The following CNBD1 variants were observed in gnomAD, a reference collection of about 807,000 sequenced individuals.
CNBD1 encodes cyclic nucleotide binding domain containing 1.
Under a neutral mutation model 54.4 loss-of-function variants are expected in CNBD1, and 71 were observed. The ratio of observed to expected loss-of-function variants is 1.30; its 90% CI spans 1.08 to 1.59. The LOEUF (loss-of-function observed/expected upper bound fraction) is 1.59, where lower values mean the gene tolerates loss of function less well. CNBD1 is among the 40% of genes most tolerant of loss of function. The probability of loss-of-function intolerance (pLI) is 0.00; values close to 1 mark genes in which losing one functional copy is unlikely to be tolerated. For synonymous variants in CNBD1, 182 were observed against 170.7 expected (o/e 1.07, Z -0.51); for missense variants, 659 against 518.0 (o/e 1.27, Z -2.64).
intron 4 of CNBD1, among the ~76,000 whole-genome samples, chr8:87,030,093 T>A (rs1809748443): frequency 6.6e-6 from 1 of 152,228 alleles, no homozygotes; most frequent in African/African-American, 2.4e-5. Context: ...CAGAAATGAT[T>A]AGTAAAGATA....
At chr8:87,074,609 C>T (rs375040916) in intron 4 of CNBD1, among the ~76,000 whole-genome samples, 2 of 152,120 alleles carry the variant, frequency 1.3e-5, no homozygotes, top group African/African-American at 2.4e-5. Flanking sequence ...TTGCAAAGAT[C>T]GGTGAGAGAA....
chr8:87,335,335 G>T (rs1343432072), intron 8 of CNBD1, among the ~76,000 whole-genome samples: 2 of 152,140 alleles, frequency 1.3e-5, no homozygotes, highest in Non-Finnish European at 1.5e-5. Context: ...CTGTGTGGGA[G>T]ACTAAGTCTC....
chr8:86,883,921 G>C, intron 1 of CNBD1, among the ~76,000 whole-genome samples: 1 of 152,124 alleles, frequency 6.6e-6, no homozygotes, highest in Non-Finnish European at 1.5e-5. Flanking sequence ...GGAGGCCGAG[G>C]TGGGCGGATC....
intron 4 of CNBD1, among the ~76,000 whole-genome samples, chr8:87,128,428 C>A (rs902952608): frequency 6.6e-6 from 1 of 152,156 alleles, no homozygotes; most frequent in Non-Finnish European, 1.5e-5. Flanking sequence ...TTGAGCAGGG[C>A]ATGGTGGCTG....
At chr8:87,085,983 G>A (rs977339645) in intron 4 of CNBD1, among the ~76,000 whole-genome samples, 2 of 151,994 alleles carry the variant, frequency 1.3e-5, no homozygotes, top group Admixed American at 1.3e-4. Flanking sequence ...TTCATAATAG[G>A]GATAGGGCAA....
intron 6 of CNBD1, among the ~76,000 whole-genome samples, chr8:87,253,522 T>C (rs2130841440): frequency 6.6e-6 from 1 of 152,284 alleles, no homozygotes; most frequent in African/African-American, 2.4e-5. Flanking sequence ...CCCAGGATAT[T>C]CCATCTGATT....
intron 2 of CNBD1, among the ~76,000 whole-genome samples, chr8:87,389,395 C>T (rs1320313115): frequency 2.6e-5 from 4 of 152,186 alleles, no homozygotes; most frequent in Non-Finnish European, 5.9e-5. Flanking sequence ...TAGGCAACTT[C>T]AGGAAAGTCT....
intron 10 of CNBD1, among the ~76,000 whole-genome samples, chr8:87,376,481 A>G (rs1337696481): frequency 6.6e-6 from 1 of 151,952 alleles, no homozygotes; most frequent in Non-Finnish European, 1.5e-5. Flanking sequence ...CATTTAGCCC[A>G]TGACACATGC....
chr8:86,911,536 A>G (rs1809099939), intron 3 of CNBD1, among the ~76,000 whole-genome samples: 1 of 151,584 alleles, frequency 6.6e-6, no homozygotes, highest in Non-Finnish European at 1.5e-5. Context: ...TGTGTATAAT[A>G]ATCAAATCAT....
chr8:87,266,696 C>G (rs145585279), intron 6 of CNBD1, among the ~76,000 whole-genome samples: 1 of 151,864 alleles, frequency 6.6e-6, no homozygotes, highest in Admixed American at 6.6e-5. Flanking sequence ...AGGTGATCTG[C>G]CTACCTCGGT....
chr8:86,966,339 G>A (rs752095419), intron 4 of CNBD1, among the ~76,000 whole-genome samples: 5 of 152,192 alleles, frequency 3.3e-5, no homozygotes, highest in African/African-American at 7.2e-5. Flanking sequence ...TGGTGTGTCC[G>A]GAATTGGTTG....
At chr8:87,002,046 C>A (rs2130546222) in intron 4 of CNBD1, among the ~76,000 whole-genome samples, 1 of 152,258 alleles carries the variant, frequency 6.6e-6, no homozygotes, top group Non-Finnish European at 1.5e-5. Context: ...TGCCATTGTA[C>A]TTTTCTATAG....
chr8:87,016,089 C>T (rs761352860), intron 4 of CNBD1, among the ~76,000 whole-genome samples: 3 of 149,912 alleles, frequency 2.0e-5, no homozygotes, highest in Non-Finnish European at 4.4e-5. Flanking sequence ...AATAAAATAG[C>T]TCTAATCAAA....
chr8:87,340,593 C>CT (rs1202919087), intron 8 of CNBD1, among the ~76,000 whole-genome samples: 3 of 151,958 alleles, frequency 2.0e-5, no homozygotes, highest in Non-Finnish European at 4.4e-5. Context: ...CTCTTTTACT[C>CT]TTTTTCTGTT....
chr8:87,382,677 A>C lies in CNBD1; in HGVS notation c.*50A>C, dbSNP rs976636758. The C allele has an allele frequency of 3.7e-5, 50 of 1,362,224 alleles. No homozygotes were observed. In the Admixed American group the frequency reaches 1.0e-3, roughly 28 times the overall value. 84.4% of individuals were successfully genotyped at this position (1,362,224 alleles called of 1,614,324 possible). On this transcript the variant is annotated 3_prime_UTR_variant, in exon 11 of 11. Transcript: ENST00000518476. ...TTAATTAAGAAAGTATTGACTAAAT[A>C]ATGGAATAATTGCATTCTGGAATAC...
chr8:87,324,493 T>C (rs1200663436), intron 8 of CNBD1, among the ~76,000 whole-genome samples: 2 of 145,092 alleles, frequency 1.4e-5, no homozygotes, highest in Non-Finnish European at 1.5e-5. Context: ...CTGTTATTGG[T>C]CTATTCAGAG....
intron 5 of CNBD1, among the ~76,000 whole-genome samples, chr8:87,225,418 A>G (rs1814459562): frequency 1.3e-5 from 2 of 152,052 alleles, no homozygotes; most frequent in African/African-American, 2.4e-5. Flanking sequence ...TGTCCCATCA[A>G]TACCTAATTT....
At position 87,381,508 on chromosome 8, in the gene CNBD1, G is replaced by A. The variant is rs79625535; in HGVS notation, c.1304-1112G>A. ...AATTAACAGTAGACCATATGATCTA[G>A]CAGGCCCAGTTCTAGATATTTTCTA... On this transcript the variant is annotated intron_variant, in intron 10 of 10. Transcript: ENST00000518476. 4.3e-3 allele frequency among the ~76,000 whole-genome samples: 648 copies of A among 152,066 alleles called. 4 individuals carry two copies. The highest frequency in any genetic ancestry group is 0.031 in the Middle Eastern group (9 of 294).
rs59415145 is a variant in CNBD1, at chr8:87,318,900, A to G, written c.1042+32229A>G. 6.9e-3 allele frequency among the ~76,000 whole-genome samples: 1,046 copies of G among 152,190 alleles called. 11 individuals are homozygous for G. The highest frequency in any genetic ancestry group is 0.024 in the African/African-American group (984 of 41,542). On this transcript the variant is annotated intron_variant, in intron 8 of 10. Transcript: ENST00000518476. ...AGCATCTTAACACTATCTTTCATGG[A>G]AGACTGATAGCCAAACTTGTAAGAG... is the stretch of plus-strand genomic sequence containing the variant.
Sources: gnomAD v4.1 joint callset for allele counts (sites outside exome capture counted in the v4.1 genomes callset) on GRCh38, gnomAD v4.1.1 for gene constraint, MANE v1.5 for transcripts, NCBI Gene and HGNC (gene_info 2026-07-23, HGNC 2026-07-21) for gene names.